Variants in FSIP1 observed in about 807,000 individuals in gnomAD.
The protein encoded by FSIP1 is fibrous sheath-interacting protein 1.
FSIP1 carries 65 observed loss-of-function variants against 60.9 expected under a neutral mutation model. The ratio of observed to expected loss-of-function variants is 1.07; its 90% CI spans 0.87 to 1.31. The LOEUF (loss-of-function observed/expected upper bound fraction) is 1.31, where lower values mean the gene tolerates loss of function less well. FSIP1 is among the 40% of genes most tolerant of loss of function. FSIP1 has a pLI of 0.00. For synonymous variants in FSIP1, 209 were observed against 221.2 expected (o/e 0.94, Z 0.49); for missense variants, 675 against 665.5 (o/e 1.01, Z -0.16).
chr15:39,611,362 G>A (rs1199438625), intron 11 of FSIP1, among the ~76,000 whole-genome samples: 1 of 151,898 alleles, frequency 6.6e-6, no homozygotes, highest in Admixed American at 6.6e-5. Context: ...ATATTGCCCA[G>A]GCAGGGCTCA....
At chr15:39,613,668 G>A (rs1259346142) in intron 11 of FSIP1, among the ~76,000 whole-genome samples, 1 of 152,032 alleles carries the variant, frequency 6.6e-6, no homozygotes, top group East Asian at 1.9e-4. Flanking sequence ...AAAATTGCAG[G>A]CCAATATCCC....
chr15:39,676,270 G>A (rs974773747), intron 10 of FSIP1, among the ~76,000 whole-genome samples: 3 of 151,846 alleles, frequency 2.0e-5, no homozygotes, highest in African/African-American at 7.3e-5. Context: ...GTATTATCCT[G>A]AAAAAGCACA....
chr15:39,771,619 G>T (rs1897890207), intron 2 of FSIP1, among the ~76,000 whole-genome samples: 1 of 152,168 alleles, frequency 6.6e-6, no homozygotes, highest in African/African-American at 2.4e-5. Context: ...ATCAGTCATG[G>T]CCTGCCTCAT....
intron 10 of FSIP1, among the ~76,000 whole-genome samples, chr15:39,619,258 A>G (rs1891355700): frequency 6.6e-6 from 1 of 152,200 alleles, no homozygotes; most frequent in South Asian, 2.1e-4. Flanking sequence ...TTCTAATGCA[A>G]CTAATAAATA....
At chr15:39,612,207 C>A (rs1207336513) in intron 11 of FSIP1, among the ~76,000 whole-genome samples, 2 of 152,142 alleles carry the variant, frequency 1.3e-5, no homozygotes, top group Non-Finnish European at 2.9e-5. Flanking sequence ...CAAGAAAATA[C>A]ACATTCTTCT....
At chr15:39,683,278 A>T (rs1453134130) in intron 10 of FSIP1, among the ~76,000 whole-genome samples, 1 of 152,182 alleles carries the variant, frequency 6.6e-6, no homozygotes, top group Non-Finnish European at 1.5e-5. Flanking sequence ...AGACTGGATG[A>T]GTACTCAAAA....
At chr15:39,751,845 G>C (rs926627573) in intron 5 of FSIP1, among the ~76,000 whole-genome samples, 9 of 151,718 alleles carry the variant, frequency 5.9e-5, no homozygotes, top group African/African-American at 2.2e-4. Flanking sequence ...AGAGGAAATG[G>C]GTAACTATGT....
intron 10 of FSIP1, among the ~76,000 whole-genome samples, chr15:39,661,243 C>T (rs537944168): frequency 1.2e-4 from 19 of 152,206 alleles, no homozygotes; most frequent in Admixed American, 3.9e-4. Context: ...ATTTTCTTAA[C>T]AAACTCTATT....
At chr15:39,641,282 C>A (rs1892358439) in intron 10 of FSIP1, among the ~76,000 whole-genome samples, 1 of 152,006 alleles carries the variant, frequency 6.6e-6, no homozygotes, top group Non-Finnish European at 1.5e-5. Context: ...AAAAATTGTT[C>A]TCTACATCTG....
At chr15:39,681,275 G>T (rs1023697191) in intron 10 of FSIP1, among the ~76,000 whole-genome samples, 2 of 152,108 alleles carry the variant, frequency 1.3e-5, no homozygotes, top group African/African-American at 4.8e-5. Context: ...AAGGTTTATA[G>T]TTTTTTGGCT....
chr15:39,682,356 G>GA lies in FSIP1; in HGVS notation c.1188+31087dup, dbSNP rs534930019. Among the ~76,000 whole-genome samples the GA allele has an allele frequency of 1.8e-3, 260 of 147,340 alleles. 5 individuals carry two copies. Among genetic ancestry groups the GA allele is most frequent in the Middle Eastern group, 0.017 (5 of 290 alleles). The stretch of plus-strand genomic sequence containing the variant: ...ACCAAAACCTACATATTTTACTTTG[G>GA]AAAAAAAAAAGCAGCTGGAAATATA... On this transcript the variant is annotated intron_variant, in intron 10 of 11. Coordinates refer to ENST00000350221, the MANE Select transcript of FSIP1 (RefSeq NM_152597.5).
chr15:39,645,456 G>A (rs897671888), intron 10 of FSIP1, among the ~76,000 whole-genome samples: 1 of 152,104 alleles, frequency 6.6e-6, no homozygotes, highest in African/African-American at 2.4e-5. Context: ...CCTGGGTGAG[G>A]CTACAGGCCA....
At chr15:39,655,941 AAAG>A (rs142048927) in intron 10 of FSIP1, among the ~76,000 whole-genome samples, 3,177 of 152,302 alleles carry the variant, frequency 0.021, 58 homozygotes, top group Non-Finnish European at 0.032. Flanking sequence ...CAAATGATTA[AAAG>A]AAGTGTTCAG....
At chr15:39,601,451 T>C (rs772153847) in intron 11 of FSIP1, among the ~76,000 whole-genome samples, 10 of 152,242 alleles carry the variant, frequency 6.6e-5, no homozygotes, top group African/African-American at 2.2e-4. Flanking sequence ...GGAACCTTCA[T>C]GCACGACTGG....
In FSIP1 at chr15:39,735,698, A is replaced by G. The variant is rs35933079; in HGVS notation, c.891+2393T>C. ...TAACTTTTTTACTTTTAAAACTTTT[A>G]AATTTGTTTAACTTTTTCGCTCTCT... On this transcript the variant is annotated intron_variant, in intron 8 of 11. Coordinates refer to ENST00000350221, the MANE Select transcript of FSIP1 (RefSeq NM_152597.5). 2.3e-3 allele frequency among the ~76,000 whole-genome samples: 352 copies of G among 152,316 alleles called. 2 individuals are homozygous for G. Among genetic ancestry groups the G allele is most frequent in the South Asian group, 0.01 (50 of 4,820 alleles).
At chr15:39,735,345 G>C (rs936339706) in intron 8 of FSIP1, among the ~76,000 whole-genome samples, 1 of 152,216 alleles carries the variant, frequency 6.6e-6, no homozygotes, top group Non-Finnish European at 1.5e-5. Context: ...AACCTGTACA[G>C]TATGTTTTGT....
At chr15:39,689,068 C>T (rs1053947113) in intron 10 of FSIP1, among the ~76,000 whole-genome samples, 2 of 152,082 alleles carry the variant, frequency 1.3e-5, no homozygotes, top group African/African-American at 4.8e-5. Flanking sequence ...TCAGAGGTTC[C>T]CATGATCCAC....
At chr15:39,643,127 AT>A (rs1892446353) in intron 10 of FSIP1, among the ~76,000 whole-genome samples, 2 of 152,322 alleles carry the variant, frequency 1.3e-5, no homozygotes, top group South Asian at 4.2e-4. Flanking sequence ...TAATAACATC[AT>A]TTTTAGGCAC....
chr15:39,716,433 G>C (rs1378190171), intron 9 of FSIP1, among the ~76,000 whole-genome samples: 2 of 152,150 alleles, frequency 1.3e-5, no homozygotes, highest in Non-Finnish European at 2.9e-5. Flanking sequence ...CCAACTGAGA[G>C]AAAATGATCA....
Sources: allele counts gnomAD v4.1 joint callset (sites outside exome capture counted in the v4.1 genomes callset), GRCh38; gene constraint gnomAD v4.1.1; transcripts MANE v1.5; gene names NCBI Gene and HGNC (gene_info 2026-07-23, HGNC 2026-07-21).